TRAPPC9: variants seen among roughly 807,000 people sequenced by gnomAD.
TRAPPC9 encodes the protein trafficking protein particle complex subunit 9.
TRAPPC9 carries 83 observed loss-of-function variants against 124.0 expected under a neutral mutation model. That is an observed-to-expected ratio of 0.67 (90% CI 0.56 to 0.80). The LOEUF is 0.80. Ranked by LOEUF, TRAPPC9 falls within the 30% of genes least tolerant of loss-of-function variation. TRAPPC9 has a pLI of 0.00. For missense variants in TRAPPC9, 1,302 were observed against 1,508.3 expected (o/e 0.86, Z 2.27); for synonymous variants, 638 against 617.5 (o/e 1.03, Z -0.49).
intron 8 of TRAPPC9, among the ~76,000 whole-genome samples, chr8:140,362,565 A>T (rs960665784): frequency 6.6e-6 from 1 of 152,180 alleles, no homozygotes; most frequent in Non-Finnish European, 1.5e-5. Context: ...ACACTACTTT[A>T]TATCTTAGTA....
At chr8:140,119,635 A>C (rs2060949494) in intron 17 of TRAPPC9, among the ~76,000 whole-genome samples, 1 of 152,246 alleles carries the variant, frequency 6.6e-6, no homozygotes, top group Admixed American at 6.5e-5. Context: ...ACTTGAGTAC[A>C]TAGTAACATT....
intron 17 of TRAPPC9, chr8:140,040,354 G>C (rs760400746): frequency 6.6e-6 from 1 of 152,212 alleles, no homozygotes; most frequent in Non-Finnish European, 1.5e-5. Context: ...GCCAAGGTCA[G>C]TGGTCAAGTG....
chr8:140,291,247 G>T, intron 11 of TRAPPC9, 169 bp from the exon 12 acceptor site: 1 of 696,966 alleles, frequency 1.4e-6, no homozygotes, highest in Non-Finnish European at 2.6e-6. Flanking sequence ...AGCTTTCTCT[G>T]AAACAAAGCA....
At chr8:140,188,179 G>T (rs2062394347) in intron 17 of TRAPPC9, among the ~76,000 whole-genome samples, 1 of 152,198 alleles carries the variant, frequency 6.6e-6, no homozygotes, top group African/African-American at 2.4e-5. Context: ...GTTGAGGGTG[G>T]GGGAGATTTC....
chr8:140,238,554 C>T (rs1486925437), intron 16 of TRAPPC9: 2 of 152,218 alleles, frequency 1.3e-5, no homozygotes, highest in Non-Finnish European at 2.9e-5. Context: ...TAACGCTGGG[C>T]AGGCTGTCCG....
chr8:139,759,269 C>T (rs1025420636), intron 21 of TRAPPC9, among the ~76,000 whole-genome samples: 2 of 152,154 alleles, frequency 1.3e-5, no homozygotes, highest in East Asian at 3.9e-4. Context: ...AAGGCAAAGC[C>T]GGAAGGGGCG....
intron 21 of TRAPPC9, among the ~76,000 whole-genome samples, chr8:139,815,838 G>A (rs1480490804): frequency 6.6e-6 from 1 of 152,272 alleles, no homozygotes; most frequent in Non-Finnish European, 1.5e-5. Flanking sequence ...CAAGGAGGCT[G>A]CGTGTGCAAA....
At chr8:140,128,375 A>G (rs1417892108) in intron 17 of TRAPPC9, among the ~76,000 whole-genome samples, 1 of 152,260 alleles carries the variant, frequency 6.6e-6, no homozygotes, top group Non-Finnish European at 1.5e-5. Context: ...GCTGGTGCTC[A>G]CAGAGAGACC....
chr8:139,843,393 C>T (rs987098549), intron 21 of TRAPPC9, among the ~76,000 whole-genome samples: 8 of 152,186 alleles, frequency 5.3e-5, no homozygotes, highest in African/African-American at 1.9e-4. Flanking sequence ...CCTTGAAATG[C>T]CCACTTGTGC....
At chr8:140,239,607 G>A (rs950687283) in intron 16 of TRAPPC9, among the ~76,000 whole-genome samples, 3 of 152,188 alleles carry the variant, frequency 2.0e-5, no homozygotes, top group Non-Finnish European at 2.9e-5. Flanking sequence ...CCTCACGGCC[G>A]TGGAGGGGAT....
intron 17 of TRAPPC9, among the ~76,000 whole-genome samples, chr8:140,033,103 T>C (rs971613780): frequency 1.3e-5 from 2 of 152,226 alleles, no homozygotes; most frequent in African/African-American, 4.8e-5. Flanking sequence ...TGGGAGGTTT[T>C]CTACACTAAG....
At chr8:140,347,311 A>G (rs1032478356) in intron 9 of TRAPPC9, among the ~76,000 whole-genome samples, 3 of 152,178 alleles carry the variant, frequency 2.0e-5, no homozygotes, top group African/African-American at 7.2e-5. Flanking sequence ...ATCCAGCAGC[A>G]GACACCGAAA....
intron 9 of TRAPPC9, among the ~76,000 whole-genome samples, chr8:140,312,331 C>A (rs1178675422): frequency 6.6e-6 from 1 of 152,148 alleles, no homozygotes; most frequent in Non-Finnish European, 1.5e-5. Flanking sequence ...AGGGATGACA[C>A]CTAGAACAGC....
chr8:140,446,964 A>G (rs62527780), intron 2 of TRAPPC9, among the ~76,000 whole-genome samples: 28,721 of 152,156 alleles, frequency 0.19, 4,232 homozygotes, highest in African/African-American at 0.41. Flanking sequence ...TCCCCTGGCC[A>G]CCAGCACACT....
chr8:140,064,291 A>C (rs963757860), intron 17 of TRAPPC9, among the ~76,000 whole-genome samples: 3 of 152,158 alleles, frequency 2.0e-5, no homozygotes, highest in Non-Finnish European at 4.4e-5. Flanking sequence ...TGGTTTTACA[A>C]CGTGACATTC....
At chr8:140,283,001 G>T (rs1423284278) in intron 14 of TRAPPC9, among the ~76,000 whole-genome samples, 3 of 152,086 alleles carry the variant, frequency 2.0e-5, no homozygotes, top group African/African-American at 7.2e-5. Flanking sequence ...ACTTTGGGAG[G>T]CCAAGATGGG....
chr8:140,407,795 T>A (rs1458932515), intron 5 of TRAPPC9, among the ~76,000 whole-genome samples: 1 of 152,112 alleles, frequency 6.6e-6, no homozygotes, highest in Non-Finnish European at 1.5e-5. Flanking sequence ...CTAATTTTTG[T>A]ATTTTTAGTA....
intron 20 of TRAPPC9, among the ~76,000 whole-genome samples, chr8:139,905,723 A>G (rs1218506332): frequency 1.3e-5 from 2 of 151,992 alleles, no homozygotes; most frequent in African/African-American, 4.8e-5. Flanking sequence ...AACACATAGC[A>G]GCCACACAAG....
At chr8:139,836,894 A>C (rs60549390) in intron 21 of TRAPPC9, among the ~76,000 whole-genome samples, 1,685 of 152,222 alleles carry the variant, frequency 0.011, 24 homozygotes, top group African/African-American at 0.038. Flanking sequence ...CAGGGAGGTC[A>C]GAAAGGCTTG....
Sources: gnomAD v4.1 joint callset for allele counts (sites outside exome capture counted in the v4.1 genomes callset) on GRCh38, gnomAD v4.1.1 for gene constraint, MANE v1.5 for transcripts, NCBI Gene and HGNC (gene_info 2026-07-23, HGNC 2026-07-21) for gene names.